Variants in NRTN observed in about 807,000 individuals in gnomAD.
NRTN encodes the protein prepro-neurturin.
A neutral mutation model predicts 7.5 loss-of-function variants in NRTN; 3 were observed. The ratio of observed to expected loss-of-function variants is 0.40; its 90% CI spans 0.18 to 1.03. The LOEUF is 1.03. Ranked by LOEUF, NRTN falls within the 50% of genes least tolerant of loss-of-function variation. NRTN has a pLI of 0.34. For missense variants in NRTN, 310 were observed against 307.0 expected (o/e 1.01, Z -0.07); for synonymous variants, 157 against 146.6 (o/e 1.07, Z -0.51).
Position 5,828,217 on chromosome 19 carries a change from G to T in NRTN, c.*44G>T. 2 of 1,525,058 alleles carry T rather than the reference G, an allele frequency of 1.3e-6. No individual in the cohort carries two copies. Among genetic ancestry groups the T allele is most frequent in the South Asian group, 1.2e-5 (1 of 83,318 alleles). The allele number at this position is 1,525,058 out of a possible 1,614,324, so 94.5% of individuals were successfully genotyped here. ...GCGCGGCGGCCACTCCCCCCGCCTC[G>T]ACGGCACCACTGGCCGGCCCCGCGA... On this transcript the variant is annotated 3_prime_UTR_variant, in exon 3 of 3. Coordinates refer to ENST00000303212, the MANE Select transcript of NRTN (RefSeq NM_004558.5).
intron 1 of NRTN, among the ~76,000 whole-genome samples, chr19:5,818,892 G>A (rs933555250): frequency 1.3e-5 from 2 of 151,862 alleles, no homozygotes; most frequent in African/African-American, 2.4e-5. Flanking sequence ...ATGGCCCCCC[G>A]ATTTCCTGCC....
chr19:5,823,826 G>A lies in NRTN; in HGVS notation c.-340G>A, dbSNP rs914791536. The A allele has an allele frequency of 1.8e-5, 8 of 440,420 alleles. No homozygotes were observed. The highest frequency in any genetic ancestry group is 6.6e-4 in the Middle Eastern group (1 of 1,516). 27.3% of individuals were successfully genotyped at this position (440,420 alleles called of 1,614,324 possible). On this transcript the variant is annotated 5_prime_UTR_variant, in exon 2 of 3. Coordinates refer to ENST00000303212, the MANE Select transcript of NRTN (RefSeq NM_004558.5). Reference sequence around the variant, plus strand: ...GATACGCCACACTCAGTCTGGCCTCGGGGCCTTTGCACTGGCTGTGTCCCC... The same window carrying A: ...GATACGCCACACTCAGTCTGGCCTCAGGGCCTTTGCACTGGCTGTGTCCCC...
In NRTN at chr19:5,824,019, G is replaced by T; in HGVS notation, c.-147G>T. Reference sequence around the variant, plus strand: ...TTCCTTGTTCAATGGTTCCTTGAGGGACCATTCCCATGTGATTATCGACCA... The same window carrying T: ...TTCCTTGTTCAATGGTTCCTTGAGGTACCATTCCCATGTGATTATCGACCA... On this transcript the variant is annotated 5_prime_UTR_variant, in exon 2 of 3. Transcript: ENST00000303212. The T allele has an allele frequency of 9.4e-7, 1 of 1,059,198 alleles. No individual in the cohort carries two copies. The highest frequency in any genetic ancestry group is 1.4e-5 in the South Asian group (1 of 72,080). 65.6% of individuals were successfully genotyped at this position (1,059,198 alleles called of 1,614,324 possible).
chr19:5,821,192 G>A (rs1309723912), intron 1 of NRTN, among the ~76,000 whole-genome samples: 1 of 151,246 alleles, frequency 6.6e-6, no homozygotes, highest in Non-Finnish European at 1.5e-5. Flanking sequence ...CTTCAACTGT[G>A]GTTTCTTTTT....
chr19:5,823,397 A>G (rs937594750), intron 1 of NRTN, among the ~76,000 whole-genome samples: 3 of 152,196 alleles, frequency 2.0e-5, no homozygotes, highest in Non-Finnish European at 2.9e-5. Context: ...AGCCTGAGGG[A>G]CAAGAGTGAG....
intron 1 of NRTN, among the ~76,000 whole-genome samples, chr19:5,814,553 G>A (rs2056999417): frequency 6.6e-6 from 1 of 152,196 alleles, no homozygotes; most frequent in African/African-American, 2.4e-5. Flanking sequence ...GTCCCCTGGG[G>A]AGTTCGGTGG....
In NRTN at chr19:5,810,834, C is replaced by G. The variant is rs753640115; in HGVS notation, c.-399+5383C>G. Among the ~76,000 whole-genome samples, 3 of 151,690 alleles carry G rather than the reference C, an allele frequency of 2.0e-5. No individual in the cohort carries two copies. In the East Asian group the frequency reaches 5.8e-4, roughly 29 times the overall value. On this transcript the variant is annotated intron_variant, in intron 1 of 2. Coordinates refer to ENST00000303212, the MANE Select transcript of NRTN (RefSeq NM_004558.5). Reference sequence around the variant, plus strand: ...ATCCCAGCTACTTGGGAGGCTGAGACAGGAGAATCGCTTGAACCCAGGAGG... The same window carrying G: ...ATCCCAGCTACTTGGGAGGCTGAGAGAGGAGAATCGCTTGAACCCAGGAGG...
chr19:5,811,257 C>G (rs1484777042), intron 1 of NRTN, among the ~76,000 whole-genome samples: 1 of 151,916 alleles, frequency 6.6e-6, no homozygotes, highest in Non-Finnish European at 1.5e-5. Flanking sequence ...GGTTTTGCAG[C>G]CATTGATTGG....
intron 1 of NRTN, among the ~76,000 whole-genome samples, chr19:5,822,186 G>A (rs2057027230): frequency 6.6e-6 from 1 of 152,128 alleles, no homozygotes; most frequent in African/African-American, 2.4e-5. Flanking sequence ...GACACGAGGC[G>A]CGGTCCATGC....
Position 5,824,155 on chromosome 19 carries a change from G to T in NRTN, c.-11G>T. 1.2e-6 allele frequency: 2 copies of T among 1,605,296 alleles called. No individual in the cohort carries two copies. The highest frequency in any genetic ancestry group is 1.7e-6 in the Non-Finnish European group (2 of 1,179,816). The stretch of plus-strand genomic sequence containing the variant: ...GCGTGCGGCTGACCATCCCGTGCCC[G>T]CAGGCTGAGGATGCAGCGCTGGAAG... On this transcript the variant is annotated 5_prime_UTR_variant, in exon 2 of 3. Coordinates refer to ENST00000303212, the MANE Select transcript of NRTN (RefSeq NM_004558.5).
In NRTN at chr19:5,823,798, TGGGATACGCCACACTCAGTCTGGCCTCGG is replaced by T. The variant is rs1040628848; in HGVS notation, c.-365_-337del. The T allele has an allele frequency of 2.6e-6, 1 of 386,898 alleles. No homozygotes were observed. The allele number at this position is 386,898 out of a possible 1,614,324, so 24.0% of individuals were successfully genotyped here. The stretch of plus-strand genomic sequence containing the variant: ...GCCGCTCCGGCCTCCTTGCTGTTCC[TGGGATACGCCACACTCAGTCTGGCCTCGG>T]GGCCTTTGCACTGGCTGTGTCCCCT... On this transcript the variant is annotated 5_prime_UTR_variant, in exon 2 of 3. An upstream open reading frame in the 5' UTR loses its in-frame stop. Transcript: ENST00000303212.
At chr19:5,814,509 C>T in intron 1 of NRTN, among the ~76,000 whole-genome samples, 1 of 152,164 alleles carries the variant, frequency 6.6e-6, no homozygotes, top group East Asian at 1.9e-4. Flanking sequence ...AGGACAGAGG[C>T]TTTTATCCCT....
chr19:5,817,418 GGAGA>G (rs1396630537), intron 1 of NRTN, among the ~76,000 whole-genome samples: 1 of 139,412 alleles, frequency 7.2e-6, no homozygotes, highest in East Asian at 2.2e-4. Flanking sequence ...AAAGAGAGAG[GGAGA>G]GAGAGAAAGA....
intron 1 of NRTN, among the ~76,000 whole-genome samples, chr19:5,817,708 A>C (rs376618042): frequency 5.9e-5 from 9 of 152,156 alleles, no homozygotes; most frequent in East Asian, 1.9e-4. Context: ...CGTGTGAAAA[A>C]GTCCAAGTGT....
At chr19:5,808,900 C>T (rs531030229) in intron 1 of NRTN, among the ~76,000 whole-genome samples, 19 of 151,810 alleles carry the variant, frequency 1.3e-4, no homozygotes, top group Admixed American at 7.9e-4. Flanking sequence ...GGACTACAGG[C>T]GCCCACCACC....
chr19:5,824,117 A>G lies in NRTN; in HGVS notation c.-49A>G, dbSNP rs745825938. On this transcript the variant is annotated 5_prime_UTR_variant, in exon 2 of 3. Coordinates refer to ENST00000303212, the MANE Select transcript of NRTN (RefSeq NM_004558.5). The stretch of plus-strand genomic sequence containing the variant: ...GCGCCCTGTGCCCGTTGGCTGCTGG[A>G]GGGACAGACGGGGCGTGCGGCTGAC... 1 of 1,598,984 alleles carries G rather than the reference A, an allele frequency of 6.3e-7. No individual in the cohort carries two copies. Among genetic ancestry groups the G allele is most frequent in the Non-Finnish European group, 8.5e-7 (1 of 1,179,304 alleles).
chr19:5,818,690 G>A (rs2057013759), intron 1 of NRTN, among the ~76,000 whole-genome samples: 1 of 151,984 alleles, frequency 6.6e-6, no homozygotes, highest in African/African-American at 2.4e-5. Flanking sequence ...GCCTCCCTAG[G>A]TTAGGGCCTC....
intron 1 of NRTN, among the ~76,000 whole-genome samples, chr19:5,810,695 A>T (rs980618464): frequency 6.6e-6 from 1 of 152,046 alleles, no homozygotes; most frequent in African/African-American, 2.4e-5. Flanking sequence ...GCACTTTGGG[A>T]GGCCGAGGCG....
intron 2 of NRTN, among the ~76,000 whole-genome samples, chr19:5,825,821 A>G (rs1041117728): frequency 1.3e-5 from 2 of 152,214 alleles, no homozygotes; most frequent in Non-Finnish European, 2.9e-5. Flanking sequence ...GCAGGGAGGC[A>G]GGGACAGACA....
Sources: allele counts gnomAD v4.1 joint callset (sites outside exome capture counted in the v4.1 genomes callset), GRCh38; gene constraint gnomAD v4.1.1; transcripts MANE v1.5; gene names NCBI Gene and HGNC (gene_info 2026-07-23, HGNC 2026-07-21).